The following CNOT4 variants were observed in gnomAD, a reference collection of about 807,000 sequenced individuals.
The protein encoded by CNOT4 is CCR4-NOT transcription complex subunit 4.
A neutral mutation model predicts 73.8 loss-of-function variants in CNOT4; 8 were observed. That is an observed-to-expected ratio of 0.11 (90% CI 0.06 to 0.20). The LOEUF (loss-of-function observed/expected upper bound fraction) is 0.20, where lower values mean the gene tolerates loss of function less well. Ranked by LOEUF, CNOT4 falls within the 10% of genes least tolerant of loss-of-function variation. CNOT4 has a pLI of 1.00. For synonymous variants in CNOT4, 293 were observed against 321.1 expected, an observed-to-expected ratio of 0.91 and a Z score of 0.94; for missense variants, 564 against 883.4, an observed-to-expected ratio of 0.64 and a Z score of 4.58.
intron 1 of CNOT4, among the ~76,000 whole-genome samples, chr7:135,459,861 T>G (rs1036055479): frequency 6.6e-6 from 1 of 152,220 alleles, no homozygotes; most frequent in Admixed American, 6.5e-5. Context: ...TTCACCTACA[T>G]TGAAAATCTG....
intron 10 of CNOT4, among the ~76,000 whole-genome samples, chr7:135,373,775 T>C (rs973085826): frequency 1.3e-5 from 2 of 151,534 alleles, no homozygotes; most frequent in Non-Finnish European, 2.9e-5. Context: ...AGAGACGGGG[T>C]TTCACCTTGT....
At chr7:135,413,676 T>C (rs1797697953) in intron 5 of CNOT4, 63 bp from the exon 6 acceptor site, 8 of 1,524,692 alleles carry the variant, frequency 5.2e-6, no homozygotes, top group Non-Finnish European at 7.1e-6. Context: ...ACAATGAGAA[T>C]CTCCATGTTT....
chr7:135,384,432 C>T (rs1398038393), intron 10 of CNOT4: 12 of 403,612 alleles, frequency 3.0e-5, no homozygotes, highest in South Asian at 2.8e-4. Flanking sequence ...CTACAGGTGC[C>T]CGCCACCACG....
chr7:135,509,154 G>A (rs950180691), intron 1 of CNOT4: 3 of 152,176 alleles, frequency 2.0e-5, no homozygotes, highest in Non-Finnish European at 2.9e-5. Context: ...TATATTGAAA[G>A]GATCTGTACA....
In CNOT4 at chr7:135,416,287, G is replaced by A. The variant is rs557917077; in HGVS notation, c.373-1025C>T. Among the ~76,000 whole-genome samples the A allele has an allele frequency of 2.0e-5, 3 of 152,248 alleles. No homozygotes were observed. In the East Asian group the frequency reaches 5.8e-4, roughly 29 times the overall value. ...GCATTTGATAGAATCAAAGCTTCAT[G>A]AATAAATCTACGGCGGGTGTATCAT... On this transcript the variant is annotated intron_variant, in intron 3 of 11. Coordinates refer to ENST00000541284, the MANE Select transcript of CNOT4 (RefSeq NM_001190850.2).
rs2129484187 is a variant in CNOT4, at chr7:135,414,322, C to A, written c.561+9G>T. ...AAAAAAAAAAAAAGAATCAAGAGGA[C>A]TATATTACCTTAAGTGTTCTGCCAT... is the stretch of plus-strand genomic sequence containing the variant. On this transcript the variant is annotated intron_variant, in intron 5 of 11. Coordinates refer to ENST00000541284, the MANE Select transcript of CNOT4 (RefSeq NM_001190850.2). 1 of 961,668 alleles carries A rather than the reference C, an allele frequency of 1.0e-6. No homozygotes were observed. Among genetic ancestry groups the A allele is most frequent in the Non-Finnish European group, 1.6e-6 (1 of 608,686 alleles). The allele number at this position is 961,668 out of a possible 1,614,324, so 59.6% of individuals were successfully genotyped here. A position where few individuals can be genotyped will look rare whatever the true frequency, so the allele number is the denominator to read the frequency against.
chr7:135,475,959 T>C (rs1400053273), intron 1 of CNOT4, among the ~76,000 whole-genome samples: 1 of 151,926 alleles, frequency 6.6e-6, no homozygotes. Flanking sequence ...TCTAAAAAAG[T>C]TTAAAGTTGC....
chr7:135,403,968 C>G (rs889769940), intron 7 of CNOT4, among the ~76,000 whole-genome samples: 2 of 152,148 alleles, frequency 1.3e-5, no homozygotes, highest in Non-Finnish European at 2.9e-5. Context: ...TAAACAAGGG[C>G]ACACACAACC....
chr7:135,415,839 C>G (rs1797844784), intron 3 of CNOT4, among the ~76,000 whole-genome samples: 1 of 151,894 alleles, frequency 6.6e-6, no homozygotes, highest in South Asian at 2.1e-4. Context: ...TCAGTTTTAC[C>G]ATTTCTCATC....
chr7:135,399,943 A>T (rs1038001555), intron 7 of CNOT4, among the ~76,000 whole-genome samples: 2 of 152,174 alleles, frequency 1.3e-5, no homozygotes, highest in Admixed American at 6.5e-5. Flanking sequence ...ACAAACAAAC[A>T]TCAGCCAGTG....
intron 10 of CNOT4, among the ~76,000 whole-genome samples, chr7:135,391,424 G>C (rs1318609089): frequency 6.6e-6 from 1 of 151,894 alleles, no homozygotes; most frequent in Non-Finnish European, 1.5e-5. Flanking sequence ...TAAATACCAA[G>C]CAAGTCTGCA....
chr7:135,451,973 T>G (rs1276618716), intron 1 of CNOT4, among the ~76,000 whole-genome samples: 2 of 152,098 alleles, frequency 1.3e-5, no homozygotes, highest in Non-Finnish European at 2.9e-5. Flanking sequence ...TCAGGTTGTG[T>G]GTAGTGGCTC....
chr7:135,486,553 GC>G (rs1174302438), intron 1 of CNOT4, among the ~76,000 whole-genome samples: 1 of 152,200 alleles, frequency 6.6e-6, no homozygotes, highest in Non-Finnish European at 1.5e-5. Context: ...TTGCTCTTGG[GC>G]GTTTATCTGA....
intron 1 of CNOT4, among the ~76,000 whole-genome samples, chr7:135,485,327 C>A (rs1211911892): frequency 6.6e-6 from 1 of 152,138 alleles, no homozygotes; most frequent in South Asian, 2.1e-4. Flanking sequence ...GCCTCGGCCT[C>A]CCAAAGTGCT....
rs532663124 is a variant in CNOT4 at position 135,379,961 on chromosome 7, T to C, written c.1627+13957A>G. Among the ~76,000 whole-genome samples the C allele has an allele frequency of 2.0e-5, 3 of 152,166 alleles. No homozygotes were observed. In the East Asian group the frequency reaches 5.8e-4, roughly 29 times the overall value. On this transcript the variant is annotated intron_variant, in intron 10 of 11. Transcript: ENST00000541284. ...GAGTGTAAATGCTAAGTGCAGTCCT[T>C]GGGCCAAGATCTCACTATATTAAGC...
chr7:135,397,204 AT>A (rs1218396130), intron 8 of CNOT4, among the ~76,000 whole-genome samples: 2 of 152,206 alleles, frequency 1.3e-5, no homozygotes, highest in Non-Finnish European at 2.9e-5. Flanking sequence ...AGAGAAAAAA[AT>A]AATGTAAAAC....
At chr7:135,507,237 A>C (rs1366561823) in intron 1 of CNOT4, among the ~76,000 whole-genome samples, 1 of 152,202 alleles carries the variant, frequency 6.6e-6, no homozygotes, top group Non-Finnish European at 1.5e-5. Context: ...CTAATTTTAT[A>C]ATAGGCCAAC....
chr7:135,485,941 T>A (rs982065716), intron 1 of CNOT4, among the ~76,000 whole-genome samples: 1 of 152,094 alleles, frequency 6.6e-6, no homozygotes, highest in East Asian at 1.9e-4. Flanking sequence ...CTGAACCTCA[T>A]CAAAATTAAA....
Position 135,509,996 on chromosome 7 carries a change from G to A in CNOT4, c.-200C>T. On this transcript the variant is annotated 5_prime_UTR_variant, in exon 1 of 12. Transcript: ENST00000541284. ...GAAAAAACTCTTCAGAACCGGGCCTGATTGCTTCAGCGAGTCCGACCTTTA... is the reference window on the plus strand; with the variant it reads ...GAAAAAACTCTTCAGAACCGGGCCTAATTGCTTCAGCGAGTCCGACCTTTA... The A allele has an allele frequency of 2.5e-6, 1 of 399,136 alleles. No individual in the cohort carries two copies. The highest frequency in any genetic ancestry group is 4.4e-6 in the Non-Finnish European group (1 of 226,154). 24.7% of individuals were successfully genotyped at this position (399,136 alleles called of 1,614,324 possible).
Sources: gnomAD v4.1 joint callset for allele counts (sites outside exome capture counted in the v4.1 genomes callset) on GRCh38, gnomAD v4.1.1 for gene constraint, MANE v1.5 for transcripts, NCBI Gene and HGNC (gene_info 2026-07-23, HGNC 2026-07-21) for gene names.